Variants in BRWD1 observed in about 807,000 individuals in gnomAD.
BRWD1 encodes the protein bromodomain and WD repeat domain containing 1, also known as bromodomain and WD repeat-containing protein 1.
Under a neutral mutation model 251.2 loss-of-function variants are expected in BRWD1, and 82 were observed. That is an observed-to-expected ratio of 0.33 (90% CI 0.27 to 0.39). The LOEUF (loss-of-function observed/expected upper bound fraction) is 0.39, where lower values mean the gene tolerates loss of function less well. BRWD1 is among the 10% of genes least tolerant of loss of function. The probability of loss-of-function intolerance (pLI) is 1.00; values close to 1 mark genes in which losing one functional copy is unlikely to be tolerated. For synonymous variants in BRWD1, 918 were observed against 902.8 expected, an observed-to-expected ratio of 1.02 and a Z score of -0.30; for missense variants, 2,233 against 2,711.6, an observed-to-expected ratio of 0.82 and a Z score of 3.92.
At chr21:39,254,931 T>A (rs562207807) in intron 19 of BRWD1, among the ~76,000 whole-genome samples, 1 of 152,352 alleles carries the variant, frequency 6.6e-6, no homozygotes, top group South Asian at 2.1e-4. Context: ...CCTGGATATT[T>A]GGTTATACTG....
chr21:39,194,773 G>A lies in BRWD1; in HGVS notation c.*1486C>T, dbSNP rs891929953. On this transcript the variant is annotated 3_prime_UTR_variant, in exon 41 of 41. Coordinates refer to ENST00000342449, the MANE Select transcript of BRWD1 (RefSeq NM_033656.4). ...TTGTCTGAAACCAAACACAATTAGGGCTAATAAATAACATTGTCTAATATT... is the reference window on the plus strand; with the variant it reads ...TTGTCTGAAACCAAACACAATTAGGACTAATAAATAACATTGTCTAATATT... 8 of 1,534,676 alleles carry A rather than the reference G, an allele frequency of 5.2e-6. No homozygotes were observed. The African/African-American group carries it at 9.6e-5, about 18-fold the overall frequency.
intron 6 of BRWD1, 150 bp from the exon 7 acceptor site, chr21:39,296,053 T>C: frequency 2.9e-6 from 2 of 678,026 alleles, no homozygotes; most frequent in Non-Finnish European, 2.2e-6. Flanking sequence ...TTCTTCTGTA[T>C]TCAGTAACAT....
At chr21:39,280,927 C>T (rs895621685) in intron 8 of BRWD1, among the ~76,000 whole-genome samples, 2 of 152,062 alleles carry the variant, frequency 1.3e-5, no homozygotes, top group Non-Finnish European at 2.9e-5. Context: ...TAATAAAATA[C>T]CAAAAGTGCT....
At chr21:39,296,220 T>C (rs745307820) in intron 6 of BRWD1, 45 bp downstream of exon 6, 14 of 1,464,186 alleles carry the variant, frequency 9.6e-6, no homozygotes, top group African/African-American at 1.4e-5. Context: ...GTTGAGAAAT[T>C]TAAAAACAAT....
intron 34 of BRWD1, among the ~76,000 whole-genome samples, chr21:39,211,154 T>A (rs1240885849): frequency 1.3e-5 from 2 of 152,240 alleles, no homozygotes; most frequent in African/African-American, 2.4e-5. Context: ...ATGAAAAGCA[T>A]ACTCTAACAA....
At chr21:39,231,047 G>A (rs748996070) in intron 25 of BRWD1, among the ~76,000 whole-genome samples, 2 of 151,992 alleles carry the variant, frequency 1.3e-5, no homozygotes, top group Non-Finnish European at 1.5e-5. Context: ...AAATAAAACC[G>A]CCAATGTATA....
chr21:39,314,606 A>G (rs2036656695), upstream of BRWD1: 3 of 342,668 alleles, frequency 8.8e-6, no homozygotes, highest in South Asian at 2.2e-5. Flanking sequence ...TGACCTAACT[A>G]TGAGTTTCCT....
At chr21:39,311,253 A>G (rs945336880) in intron 4 of BRWD1, among the ~76,000 whole-genome samples, 7 of 152,042 alleles carry the variant, frequency 4.6e-5, no homozygotes, top group African/African-American at 1.7e-4. Flanking sequence ...ATGCAGCCTC[A>G]AACTCCCAGA....
At chr21:39,296,385 C>T (rs2035962791) in intron 5 of BRWD1, 22 bp from the exon 6 acceptor site, 2 of 1,534,394 alleles carry the variant, frequency 1.3e-6, no homozygotes, top group South Asian at 1.3e-5. Context: ...ATTTTAGATA[C>T]ACATAAAATC....
In BRWD1 at chr21:39,199,235, C is replaced by A; in HGVS notation, c.5181G>T (p.Arg1727=). Residue 1727 remains arginine (R), a synonymous_variant, in exon 40 of 41, where the codon CGG becomes CGT. Transcript: ENST00000342449. ...NRDSESESDL[R]VARKNWHANG... is the part of the protein sequence containing the mutation. ...TAGCATGCCAATTTTTCCGGGCTAC[C>A]CGCAAATCACTTTCTGACTCTGAGT... The A allele has an allele frequency of 6.2e-7, 1 of 1,614,152 alleles. No homozygotes were observed. Among genetic ancestry groups the A allele is most frequent in the Non-Finnish European group, 8.5e-7 (1 of 1,180,038 alleles).
At chr21:39,260,150 A>G (rs1364591576) in intron 17 of BRWD1, among the ~76,000 whole-genome samples, 2 of 152,236 alleles carry the variant, frequency 1.3e-5, no homozygotes, top group African/African-American at 4.8e-5. Flanking sequence ...AAGGCAGTAC[A>G]TAGAGGCTTA....
At chr21:39,273,623 T>C (rs1267097882) in intron 13 of BRWD1, among the ~76,000 whole-genome samples, 1 of 151,882 alleles carries the variant, frequency 6.6e-6, no homozygotes, top group Non-Finnish European at 1.5e-5. Flanking sequence ...TAGTCCCAGC[T>C]ACTTGGAAGG....
At chr21:39,220,703 T>C (rs2033142705) in intron 29 of BRWD1, among the ~76,000 whole-genome samples, 1 of 152,206 alleles carries the variant, frequency 6.6e-6, no homozygotes, top group Non-Finnish European at 1.5e-5. Flanking sequence ...ATATTACGCA[T>C]GTTCATTAAA....
Position 39,213,699 on chromosome 21 carries a change from T to C in BRWD1, c.3786-146A>G, listed in dbSNP as rs187219722. On this transcript the variant is annotated intron_variant, in intron 32 of 40. Coordinates refer to ENST00000342449, the MANE Select transcript of BRWD1 (RefSeq NM_033656.4). ...GAATATCAGGTTTTCCCCCAACCCT[T>C]TGTAAACGTAACTAGCCATCTTAAA... 2.8e-4 allele frequency: 151 copies of C among 536,504 alleles called. 1 individual carries two copies. Among genetic ancestry groups the C allele is most frequent in the African/African-American group, 1.7e-3 (85 of 50,992 alleles). 33.2% of individuals were successfully genotyped at this position (536,504 alleles called of 1,614,324 possible).
intron 12 of BRWD1, among the ~76,000 whole-genome samples, chr21:39,274,767 T>C (rs2035227468): frequency 6.6e-6 from 1 of 152,158 alleles, no homozygotes; most frequent in African/African-American, 2.4e-5. Context: ...AGAGGCAACC[T>C]GCAGTGGCTC....
intron 19 of BRWD1, among the ~76,000 whole-genome samples, chr21:39,253,353 G>A (rs1385330665): frequency 6.7e-6 from 1 of 149,944 alleles, no homozygotes; most frequent in Admixed American, 6.6e-5. Context: ...AGAAACACAG[G>A]AGTCTAAGTT....
At position 39,192,000 on chromosome 21, in the gene BRWD1, T is replaced by C. The variant is rs536977840; in HGVS notation, c.*4259A>G. 3.0e-6 allele frequency: 3 copies of C among 985,230 alleles called. No homozygotes were observed. In the South Asian group the frequency reaches 1.4e-4, roughly 46 times the overall value. The allele number at this position is 985,230 out of a possible 1,614,324, so 61.0% of individuals were successfully genotyped here. ...GTTGCCAAAGATAGAGCCTGCAGAT[T>C]GGTAGAATCCAAATGATGTGACTCT... On this transcript the variant is annotated 3_prime_UTR_variant, in exon 41 of 41. Coordinates refer to ENST00000342449, the MANE Select transcript of BRWD1 (RefSeq NM_033656.4).
rs1031782399 is a variant in BRWD1, at chr21:39,313,547, C to T, written c.-56G>A. On this transcript the variant is annotated 5_prime_UTR_variant, in exon 1 of 41. Coordinates refer to ENST00000342449, the MANE Select transcript of BRWD1 (RefSeq NM_033656.4). ...GCGAGCGAGCGGAGCGTGTAGGCCG[C>T]GCCGAGGCCTGACCGGGCTGGCGTC... is the stretch of plus-strand genomic sequence containing the variant. The T allele has an allele frequency of 1.0e-5, 13 of 1,285,662 alleles. No homozygotes were observed. Among genetic ancestry groups the T allele is most frequent in the Admixed American group, 4.2e-5 (1 of 23,648 alleles). The allele number at this position is 1,285,662 out of a possible 1,614,324, so 79.6% of individuals were successfully genotyped here.
chr21:39,226,460 G>C (rs181937134), intron 27 of BRWD1, among the ~76,000 whole-genome samples: 12 of 152,152 alleles, frequency 7.9e-5, no homozygotes, highest in Admixed American at 7.9e-4. Context: ...GGAGGCATCT[G>C]GGACTCCATC....
Sources: gnomAD v4.1 joint callset for allele counts (sites outside exome capture counted in the v4.1 genomes callset) on GRCh38, gnomAD v4.1.1 for gene constraint, MANE v1.5 for transcripts, NCBI Gene and HGNC (gene_info 2026-07-23, HGNC 2026-07-21) for gene names.